Variants in SRPK2 observed in about 807,000 individuals in gnomAD.
The protein encoded by SRPK2 is SFRS protein kinase 2.
Under a neutral mutation model 90.8 loss-of-function variants are expected in SRPK2, and 21 were observed. The observed-to-expected ratio is 0.23, with a 90% CI of 0.16 to 0.33. The LOEUF (loss-of-function observed/expected upper bound fraction) is 0.33, where lower values mean the gene tolerates loss of function less well. SRPK2 is among the 10% of genes least tolerant of loss of function. The pLI, the probability that SRPK2 is intolerant of heterozygous loss-of-function variation, is 1.00. For missense variants in SRPK2, 620 were observed against 869.0 expected, an observed-to-expected ratio of 0.71 and a Z score of 3.60; for synonymous variants, 288 against 311.1, an observed-to-expected ratio of 0.93 and a Z score of 0.78.
At chr7:105,141,981 A>G (rs1462379988) in intron 11 of SRPK2, 27 bp downstream of exon 11, 1 of 1,581,674 alleles carries the variant, frequency 6.3e-7, no homozygotes. Context: ...CAGCGATGGC[A>G]GACAGTTGAT....
intron 2 of SRPK2, among the ~76,000 whole-genome samples, chr7:105,305,976 T>C (rs1384080185): frequency 1.3e-5 from 2 of 152,278 alleles, no homozygotes; most frequent in African/African-American, 4.8e-5. Context: ...GAAATGTAAA[T>C]GGATAGCCTG....
chr7:105,165,855 C>G (rs530743486), intron 6 of SRPK2, among the ~76,000 whole-genome samples: 38 of 152,294 alleles, frequency 2.5e-4, no homozygotes, highest in African/African-American at 8.9e-4. Context: ...CTTTTTGGGT[C>G]CACACCAACT....
At chr7:105,220,010 T>C (rs1433951659) in intron 2 of SRPK2, among the ~76,000 whole-genome samples, 8 of 152,172 alleles carry the variant, frequency 5.3e-5, no homozygotes, top group South Asian at 2.1e-4. Context: ...GTAAGCCAAA[T>C]AGCCTATTCA....
At chr7:105,392,282 G>A (rs1393739538), upstream of SRPK2, among the ~76,000 whole-genome samples, 1 of 152,150 alleles carries the variant, frequency 6.6e-6, no homozygotes, top group African/African-American at 2.4e-5. Context: ...AGAGGTGGTG[G>A]TGGCACAACA....
chr7:105,355,340 AAAAAATTTTTTTT>A (rs1563278424), intron 2 of SRPK2, among the ~76,000 whole-genome samples: 2,378 of 152,142 alleles, frequency 0.016, 63 homozygotes, highest in African/African-American at 0.053. Flanking sequence ...TACGAAAAAA[AAAAAATTTTTTTT>A]TCATTAGCAA....
chr7:105,388,145 C>T (rs996478567), intron 2 of SRPK2, among the ~76,000 whole-genome samples: 13 of 152,116 alleles, frequency 8.5e-5, no homozygotes, highest in Admixed American at 6.5e-5. Context: ...GGCCGACAGG[C>T]GGGGGCCGGG....
chr7:105,125,681 G>T, intron 15 of SRPK2: 1 of 412,896 alleles, frequency 2.4e-6, no homozygotes, highest in Non-Finnish European at 4.1e-6. Flanking sequence ...TTCCCCAGTT[G>T]TGAAACTCCA....
chr7:105,268,603 G>C (rs1423631790), intron 2 of SRPK2, among the ~76,000 whole-genome samples: 4 of 152,118 alleles, frequency 2.6e-5, no homozygotes, highest in African/African-American at 9.7e-5. Context: ...AGCTGATCAG[G>C]CTCCACTATT....
intron 2 of SRPK2, among the ~76,000 whole-genome samples, chr7:105,242,094 G>C (rs1342039916): frequency 1.3e-5 from 2 of 152,154 alleles, no homozygotes; most frequent in Non-Finnish European, 2.9e-5. Flanking sequence ...TTGACGGCAG[G>C]CAACATTTCT....
At chr7:105,143,469 C>A (rs1804096178) in intron 9 of SRPK2, 139 bp from the exon 10 acceptor site, 1 of 1,098,328 alleles carries the variant, frequency 9.1e-7, no homozygotes, top group African/African-American at 1.6e-5. Context: ...CCAGACAGAT[C>A]CACTTTGTGG....
rs1273806027 is a variant in SRPK2, at chr7:105,371,267, G to A, written c.71+17381C>T. 1.2e-4 allele frequency among the ~76,000 whole-genome samples: 18 copies of A among 151,712 alleles called. No individual in the cohort carries two copies. In the East Asian group the frequency reaches 3.5e-3, roughly 30 times the overall value. On this transcript the variant is annotated intron_variant, in intron 2 of 15. Coordinates refer to ENST00000393651, the MANE Select transcript of SRPK2 (RefSeq NM_182692.3). ...AAAAATACAAAAATCAACCAGGCAT[G>A]GTGGCATGTGCCTGTAATCCCAGCT...
At position 105,142,090 on chromosome 7, in the gene SRPK2, T is replaced by C. The variant is rs1223835968; in HGVS notation, c.1461A>G (p.Pro487=). The C allele has an allele frequency of 1.4e-5, 22 of 1,614,140 alleles. No homozygotes were observed. The highest frequency in any genetic ancestry group is 1.9e-5 in the Non-Finnish European group (22 of 1,180,010). ...ACGSVLSEGS[P]LTEQEESSPS... ...GACTGCTCTCCTCTTGCTCAGTAAG[T>C]GGTGATCCCTCAGAAAGCACAGAGC... Residue 487 remains proline (P), a synonymous_variant, in exon 11 of 16, where the codon CCA becomes CCG. Coordinates refer to ENST00000393651, the MANE Select transcript of SRPK2 (RefSeq NM_182692.3).
chr7:105,190,618 G>A (rs532493829), intron 3 of SRPK2, among the ~76,000 whole-genome samples: 1 of 152,194 alleles, frequency 6.6e-6, no homozygotes, highest in African/African-American at 2.4e-5. Flanking sequence ...CACAGAGTTT[G>A]GGGGTCCCAA....
chr7:105,127,550 A>C (rs2129574068), intron 13 of SRPK2, among the ~76,000 whole-genome samples: 1 of 152,346 alleles, frequency 6.6e-6, no homozygotes, highest in Non-Finnish European at 1.5e-5. Flanking sequence ...CATTTTCATC[A>C]TCATTTCATT....
intron 13 of SRPK2, 150 bp downstream of exon 13, chr7:105,132,641 G>A (rs1019005307): frequency 4.3e-5 from 27 of 623,404 alleles, no homozygotes; most frequent in African/African-American, 2.4e-4. Flanking sequence ...AGATGCCTGC[G>A]GCAGCAACCT....
chr7:105,309,842 C>T (rs953764980), intron 2 of SRPK2, among the ~76,000 whole-genome samples: 2 of 152,174 alleles, frequency 1.3e-5, no homozygotes, highest in African/African-American at 4.8e-5. Flanking sequence ...CTGGTGCCAA[C>T]CCTGGGCCAC....
chr7:105,117,446 A>G lies in SRPK2; in HGVS notation c.*392T>C. On this transcript the variant is annotated 3_prime_UTR_variant, in exon 16 of 16. Transcript: ENST00000393651. Reference sequence around the variant, plus strand: ...TGCTATTTCTTGGTTCCAACTTGATAATTTCTTAAGATTGTAAATTATATA... The same window carrying G: ...TGCTATTTCTTGGTTCCAACTTGATGATTTCTTAAGATTGTAAATTATATA... The G allele has an allele frequency of 5.3e-6, 1 of 190,400 alleles. No homozygotes were observed. Among genetic ancestry groups the G allele is most frequent in the South Asian group, 1.1e-4 (1 of 9,106 alleles). 11.8% of individuals were successfully genotyped at this position (190,400 alleles called of 1,614,324 possible).
At chr7:105,231,812 T>G (rs1449130790) in intron 2 of SRPK2, among the ~76,000 whole-genome samples, 7 of 152,240 alleles carry the variant, frequency 4.6e-5, no homozygotes, top group Admixed American at 4.6e-4. Context: ...ATACTAAACT[T>G]TGGTCAGATA....
At chr7:105,167,650 G>T (rs945039073) in intron 5 of SRPK2, among the ~76,000 whole-genome samples, 186 bp from the exon 6 acceptor site, 1 of 151,314 alleles carries the variant, frequency 6.6e-6, no homozygotes, top group South Asian at 2.1e-4. Flanking sequence ...TTGCTCTATC[G>T]CCCAGTCTGG....
Sources: gnomAD v4.1 joint callset for allele counts (sites outside exome capture counted in the v4.1 genomes callset) on GRCh38, gnomAD v4.1.1 for gene constraint, MANE v1.5 for transcripts, NCBI Gene and HGNC (gene_info 2026-07-23, HGNC 2026-07-21) for gene names.